COPS7B: variants seen among roughly 807,000 people sequenced by gnomAD.
COPS7B encodes the protein COP9 signalosome complex subunit 7b.
Under a neutral mutation model 33.4 loss-of-function variants are expected in COPS7B, and 9 were observed. The ratio of observed to expected loss-of-function variants is 0.27; its 90% CI spans 0.16 to 0.47. COPS7B has a LOEUF of 0.47. Among genes scored for constraint, COPS7B ranks in the 20% least tolerant of loss-of-function variants. The pLI is 0.99. For missense variants in COPS7B, 242 were observed against 318.2 expected (o/e 0.76, Z 1.82); for synonymous variants, 119 against 126.3 (o/e 0.94, Z 0.39).
At position 231,807,592 on chromosome 2, in the gene COPS7B, C is replaced by T; in HGVS notation, c.742C>T (p.Gln248Ter). ...GTGTCCCCCTCACGCTGAGCAGAGG[C>T]AGCCCACCAAGAAGATGTCCAAAGT... is the stretch of plus-strand genomic sequence containing the variant. ...RECPPHAEQR[Q>*]PTKKMSKVKG... The change falls in exon 7 of 7, where the codon CAG becomes TAG. Residue 248 changes from glutamine (Q) to a stop codon, truncating the protein, a stop_gained. Coordinates refer to ENST00000350033, the MANE Select transcript of COPS7B (RefSeq NM_022730.4). LOFTEE classifies it high-confidence loss of function. The T allele has an allele frequency of 6.3e-7, 1 of 1,593,284 alleles. No homozygotes were observed. The highest frequency in any genetic ancestry group is 8.5e-7 in the Non-Finnish European group (1 of 1,169,608).
intron 3 of COPS7B, chr2:231,793,959 T>C: frequency 3.0e-6 from 1 of 330,992 alleles, no homozygotes; most frequent in Non-Finnish European, 5.7e-6. Flanking sequence ...TCGATGAAGA[T>C]ATGTTTAATT....
In COPS7B at chr2:231,802,369, C is replaced by T. The variant is rs190721113; in HGVS notation, c.636+3405C>T. Among the ~76,000 whole-genome samples the T allele has an allele frequency of 3.0e-4, 46 of 152,314 alleles. No homozygotes were observed. In the South Asian group the frequency reaches 4.4e-3, roughly 14 times the overall value. On this transcript the variant is annotated intron_variant, in intron 6 of 6. Transcript: ENST00000350033. ...CTTTTCCAGTTGTGCACTGTGTTTC[C>T]TCTCGTCTGCCTTTGCTTTGCCCCT...
Position 231,801,616 on chromosome 2 carries a change from A to AT in COPS7B, c.636+2660dup, listed in dbSNP as rs1194736581. The stretch of plus-strand genomic sequence containing the variant: ...AGGTGTATGCTACCACACCTGGCTG[A>AT]TTTTTTTTCTTTTCTTTTTTTTTTT... On this transcript the variant is annotated intron_variant, in intron 6 of 6. Transcript: ENST00000350033. 7.3e-4 allele frequency among the ~76,000 whole-genome samples: 102 copies of AT among 139,572 alleles called. 1 individual carries two copies. The highest frequency in any genetic ancestry group is 2.5e-3 in the African/African-American group (95 of 37,442). 91.6% of individuals were successfully genotyped at this position (139,572 alleles called of 152,430 possible).
chr2:231,785,043 T>C (rs542275417), upstream of COPS7B, among the ~76,000 whole-genome samples: 1 of 152,340 alleles, frequency 6.6e-6, no homozygotes, highest in East Asian at 1.9e-4. Context: ...ACTCCTGACC[T>C]CAGGTGATCT....
At chr2:231,798,994 T>G in intron 6 of COPS7B, 30 bp downstream of exon 6, 5 of 1,560,888 alleles carry the variant, frequency 3.2e-6, no homozygotes, top group Non-Finnish European at 4.4e-6. Context: ...TTTGTTTCTC[T>G]CTCCAGGCAT....
intron 6 of COPS7B, among the ~76,000 whole-genome samples, chr2:231,802,281 A>G (rs2049772769): frequency 1.3e-5 from 2 of 152,176 alleles, no homozygotes; most frequent in Non-Finnish European, 2.9e-5. Context: ...CACCAAAAGT[A>G]TGCTTCCTGG....
Position 231,788,646 on chromosome 2 carries a change from G to T in COPS7B, c.76G>T (p.Ala26Ser). 1 of 1,614,172 alleles carries T rather than the reference G, an allele frequency of 6.2e-7. No individual in the cohort carries two copies. The highest frequency in any genetic ancestry group is 8.5e-7 in the Non-Finnish European group (1 of 1,179,994). ...ACTAGCCAAAGGTACCAGTGGCTCA[G>T]CCCTCACTGCTCTCATAAGCCAGGT... The part of the protein sequence containing the change: ...ILLAKGTSGS[A>S]LTALISQVLE... The change falls in exon 2 of 7, where the codon GCC becomes TCC. Residue 26 changes from alanine (A) to serine (S), a missense_variant. By Grantham distance (99) the Ala-to-Ser change is moderately conservative. Coordinates refer to ENST00000350033, the MANE Select transcript of COPS7B (RefSeq NM_022730.4).
chr2:231,787,228 G>A (rs1398037833), intron 1 of COPS7B, among the ~76,000 whole-genome samples: 1 of 151,882 alleles, frequency 6.6e-6, no homozygotes, highest in Non-Finnish European at 1.5e-5. Context: ...CCTGTGTCTG[G>A]CCGGACCTTC....
chr2:231,782,827 G>GT (rs1009921968), upstream of COPS7B, among the ~76,000 whole-genome samples: 52 of 149,144 alleles, frequency 3.5e-4, no homozygotes, highest in Middle Eastern at 3.4e-3. Context: ...TGTTAAAAAA[G>GT]TTTTTTTTTT....
chr2:231,801,175 C>T (rs1400305866), intron 6 of COPS7B: 19 of 1,550,486 alleles, frequency 1.2e-5, no homozygotes, highest in Non-Finnish European at 1.4e-5. Flanking sequence ...GTGATGTCCC[C>T]CTCCTGAATC....
At chr2:231,790,005 G>A (rs1369281348) in intron 2 of COPS7B, 2 of 152,138 alleles carry the variant, frequency 1.3e-5, no homozygotes, top group African/African-American at 4.8e-5. Context: ...TCTGTGAGGA[G>A]GTCTGTAGTG....
chr2:231,802,245 G>C lies in COPS7B; in HGVS notation c.636+3281G>C, dbSNP rs6708423. On this transcript the variant is annotated intron_variant, in intron 6 of 6. Coordinates refer to ENST00000350033, the MANE Select transcript of COPS7B (RefSeq NM_022730.4). ...TATGTAGAAAATCTCCTAGGAGTTA[G>C]TGACAATCTTGAGATTTATACAATG... Among the ~76,000 whole-genome samples the C allele has an allele frequency of 8.6e-3, 1,314 of 152,300 alleles. 20 individuals carry two copies. The highest frequency in any genetic ancestry group is 0.03 in the African/African-American group (1,244 of 41,552).
At position 231,786,480 on chromosome 2, in the gene COPS7B, C is replaced by T. The variant is rs893225587; in HGVS notation, c.-75C>T. ...GTGATCATGGACGCTTGACAACCTG[C>T]GGGCAGGCGCCGGGAGGCCGAGCCA... On this transcript the variant is annotated 5_prime_UTR_variant, in exon 1 of 7. Transcript: ENST00000350033. 5.1e-6 allele frequency: 5 copies of T among 985,816 alleles called. No individual in the cohort carries two copies. Among genetic ancestry groups the T allele is most frequent in the Non-Finnish European group, 6.0e-6 (5 of 830,080 alleles). The allele number at this position is 985,816 out of a possible 1,614,324, so 61.1% of individuals were successfully genotyped here. A position where few individuals can be genotyped will look rare whatever the true frequency, so the allele number is the denominator to read the frequency against.
intron 2 of COPS7B, chr2:231,790,096 G>A (rs2049369036): frequency 6.6e-6 from 1 of 152,174 alleles, no homozygotes; most frequent in African/African-American, 2.4e-5. Context: ...ACCAGAAGTG[G>A]AAAATGAGTT....
In COPS7B at chr2:231,798,839, G is replaced by A. The variant is rs767068223; in HGVS notation, c.531-20G>A. 1 of 1,606,812 alleles carries A rather than the reference G, an allele frequency of 6.2e-7. No homozygotes were observed. The highest frequency in any genetic ancestry group is 8.5e-7 in the Non-Finnish European group (1 of 1,173,456). ...TTCCCAGGCCATTCTGCAGCTCAGG[G>A]CTGGTTTTCTCCATTGTAGGTGTGA... is the stretch of plus-strand genomic sequence containing the variant. On this transcript the variant is annotated intron_variant, in intron 5 of 6. Coordinates refer to ENST00000350033, the MANE Select transcript of COPS7B (RefSeq NM_022730.4).
upstream of COPS7B, among the ~76,000 whole-genome samples, chr2:231,785,251 A>C (rs1403018965): frequency 6.6e-6 from 1 of 152,212 alleles, no homozygotes; most frequent in African/African-American, 2.4e-5. Context: ...TCCTTAGCTT[A>C]AAAAGCCTAA....
chr2:231,808,310 AG>A lies in COPS7B; in HGVS notation c.*668del. 2.5e-6 allele frequency: 1 copy of A among 402,784 alleles called. No homozygotes were observed. The highest frequency in any genetic ancestry group is 5.1e-6 in the Non-Finnish European group (1 of 195,856). 25.0% of individuals were successfully genotyped at this position (402,784 alleles called of 1,614,324 possible). ...ACCTCTGGTATCTGAGCACAGACAG[AG>A]GGTGCTGTGGGTCTGCTGGGTGGCA... is the stretch of plus-strand genomic sequence containing the variant. On this transcript the variant is annotated 3_prime_UTR_variant, in exon 7 of 7. Coordinates refer to ENST00000350033, the MANE Select transcript of COPS7B (RefSeq NM_022730.4).
upstream of COPS7B, among the ~76,000 whole-genome samples, chr2:231,783,588 A>G (rs763201166): frequency 2.6e-5 from 4 of 152,034 alleles, no homozygotes; most frequent in Non-Finnish European, 4.4e-5. Flanking sequence ...TCTTTTCCCA[A>G]CTTTTAAAAA....
chr2:231,804,387 A>AC (rs2049833377), intron 6 of COPS7B, among the ~76,000 whole-genome samples: 2 of 151,924 alleles, frequency 1.3e-5, no homozygotes, highest in South Asian at 4.1e-4. Context: ...AGCTGGGACT[A>AC]CAGGTGCCCG....
Sources: allele counts gnomAD v4.1 joint callset (sites outside exome capture counted in the v4.1 genomes callset), GRCh38; gene constraint gnomAD v4.1.1; transcripts MANE v1.5; gene names NCBI Gene and HGNC (gene_info 2026-07-23, HGNC 2026-07-21).